NFIB: variants seen among roughly 807,000 people sequenced by gnomAD.
NFIB encodes nuclear factor I B.
Under a neutral mutation model 61.5 loss-of-function variants are expected in NFIB, and 11 were observed. That is an observed-to-expected ratio of 0.18 (90% CI 0.11 to 0.30). NFIB has a LOEUF of 0.30. Among genes scored for constraint, NFIB ranks in the 10% least tolerant of loss-of-function variants. The probability of loss-of-function intolerance (pLI) is 1.00; values close to 1 mark genes in which losing one functional copy is unlikely to be tolerated. For synonymous variants in NFIB, 260 were observed against 216.5 expected (o/e 1.20, Z -1.76); for missense variants, 471 against 608.9 (o/e 0.77, Z 2.38).
At chr9:14,308,990 C>T (rs759179369) in intron 1 of NFIB, among the ~76,000 whole-genome samples, 3 of 152,162 alleles carry the variant, frequency 2.0e-5, no homozygotes, top group Admixed American at 6.5e-5. Context: ...ACCGCATGTA[C>T]GCAATAAGCC....
the NFIB span, among the ~76,000 whole-genome samples, chr9:14,423,843 A>G: frequency 6.6e-6 from 1 of 152,306 alleles, no homozygotes; most frequent in South Asian, 2.1e-4. Flanking sequence ...CAGTAATCTT[A>G]CACCATATGT....
chr9:14,492,180 A>G, the NFIB span, among the ~76,000 whole-genome samples: 15 of 152,088 alleles, frequency 9.9e-5, no homozygotes, highest in Admixed American at 3.9e-4. Context: ...TGGATAACAC[A>G]GTGAAACCCC....
intron 6 of NFIB, among the ~76,000 whole-genome samples, chr9:14,134,071 T>C (rs1312969997): frequency 1.3e-5 from 2 of 152,158 alleles, no homozygotes; most frequent in African/African-American, 2.4e-5. Flanking sequence ...TGTTCCTTGA[T>C]GGTTTAAATA....
chr9:14,395,945 C>T (rs2061681161), intron 1 of NFIB, among the ~76,000 whole-genome samples: 1 of 151,858 alleles, frequency 6.6e-6, no homozygotes, highest in Admixed American at 6.6e-5. Flanking sequence ...TATCAGGGCA[C>T]TGCAGCTGTC....
the NFIB span, among the ~76,000 whole-genome samples, chr9:14,412,677 G>T: frequency 6.6e-6 from 1 of 152,088 alleles, no homozygotes; most frequent in South Asian, 2.1e-4. Context: ...CAACTCTCAG[G>T]GAGAAGGAAG....
the NFIB span, among the ~76,000 whole-genome samples, chr9:14,477,803 A>T: frequency 1.3e-5 from 2 of 152,164 alleles, no homozygotes; most frequent in South Asian, 4.1e-4. Context: ...TTTTGTTGTT[A>T]TCATTGGGTT....
the NFIB span, among the ~76,000 whole-genome samples, chr9:14,506,259 T>G: frequency 1.3e-5 from 2 of 152,164 alleles, no homozygotes; most frequent in South Asian, 4.1e-4. Context: ...GAGGGGAGAT[T>G]GCCCACAGAG....
At chr9:14,381,395 T>TG (rs1330061958) in intron 1 of NFIB, among the ~76,000 whole-genome samples, 4 of 152,112 alleles carry the variant, frequency 2.6e-5, no homozygotes, top group Admixed American at 6.5e-5. Context: ...TTTACCATGT[T>TG]GCCTAGGTTG....
the NFIB span, among the ~76,000 whole-genome samples, chr9:14,435,165 G>T: frequency 2.4e-4 from 37 of 152,244 alleles, no homozygotes; most frequent in Admixed American, 2.4e-3. Context: ...ACCAGGCAAG[G>T]CATTCTCTGG....
At chr9:14,325,010 C>T (rs906776879) in intron 1 of NFIB, among the ~76,000 whole-genome samples, 3 of 151,922 alleles carry the variant, frequency 2.0e-5, no homozygotes, top group Admixed American at 6.6e-5. Flanking sequence ...TCTACAACGT[C>T]GCCTGCTTTT....
At chr9:14,419,775 G>T in the NFIB span, among the ~76,000 whole-genome samples, 1 of 152,116 alleles carries the variant, frequency 6.6e-6, no homozygotes, top group Non-Finnish European at 1.5e-5. Flanking sequence ...CTTCCCATCG[G>T]TATGTCTGGC....
At chr9:14,185,897 AT>A (rs1364201296) in intron 2 of NFIB, among the ~76,000 whole-genome samples, 3 of 152,182 alleles carry the variant, frequency 2.0e-5, no homozygotes, top group African/African-American at 7.2e-5. Context: ...GTTAGAAATT[AT>A]TTTTTGTCCA....
At chr9:14,315,550 C>G (rs1342158029), upstream of NFIB, among the ~76,000 whole-genome samples, 1 of 143,166 alleles carries the variant, frequency 7.0e-6, no homozygotes, top group African/African-American at 2.5e-5. Flanking sequence ...GCGGGGCGGG[C>G]CGGCGGGCGC....
the NFIB span, among the ~76,000 whole-genome samples, chr9:14,419,445 G>C: frequency 6.6e-6 from 1 of 152,172 alleles, no homozygotes; most frequent in African/African-American, 2.4e-5. Context: ...CCCACAGACA[G>C]GGCCCACTTC....
At chr9:14,335,736 C>T (rs1448645002) in intron 1 of NFIB, among the ~76,000 whole-genome samples, 1 of 152,164 alleles carries the variant, frequency 6.6e-6, no homozygotes, top group Admixed American at 6.5e-5. Flanking sequence ...ATATCTAAGA[C>T]ATTTTGCTTA....
At chr9:14,089,983 G>A (rs2033610338) in intron 10 of NFIB, among the ~76,000 whole-genome samples, 1 of 152,056 alleles carries the variant, frequency 6.6e-6, no homozygotes, top group African/African-American at 2.4e-5. Flanking sequence ...CTCAATGACA[G>A]CAAAGTCCGT....
chr9:14,303,318 T>C (rs2059849019), intron 2 of NFIB, among the ~76,000 whole-genome samples: 1 of 152,222 alleles, frequency 6.6e-6, no homozygotes, highest in Admixed American at 6.5e-5. Context: ...TAGCACACCC[T>C]GCATCCTATA....
At chr9:14,395,725 A>AG (rs2061677065) in intron 1 of NFIB, among the ~76,000 whole-genome samples, 1 of 69,804 alleles carries the variant, frequency 1.4e-5, no homozygotes, top group Non-Finnish European at 3.0e-5. Flanking sequence ...TATTCTTTTG[A>AG]CTTTTTTTTT....
chr9:14,383,457 G>A (rs539139396), intron 1 of NFIB, among the ~76,000 whole-genome samples: 12 of 152,210 alleles, frequency 7.9e-5, no homozygotes, highest in South Asian at 6.2e-4. Context: ...GTGTCAAGGC[G>A]GTGCTAAGAA....
Sources: allele counts gnomAD v4.1 joint callset (sites outside exome capture counted in the v4.1 genomes callset), GRCh38; gene constraint gnomAD v4.1.1; transcripts MANE v1.5; gene names NCBI Gene and HGNC (gene_info 2026-07-23, HGNC 2026-07-21).